ZNF345: variants seen among roughly 807,000 people sequenced by gnomAD.
ZNF345 encodes the protein zinc finger protein HZF10.
For missense variants in ZNF345, 527 were observed against 589.9 expected (o/e 0.89, Z 1.10); for synonymous variants, 166 against 187.9 (o/e 0.88, Z 0.95).
chr19:36,853,245 CTTTTTTT>C (rs902150512), intron 2 of ZNF345, among the ~76,000 whole-genome samples: 82 of 106,518 alleles, frequency 7.7e-4, no homozygotes, highest in Non-Finnish European at 1.0e-3. Context: ...TTCTTTCTTT[CTTTTTTT>C]TTTTTTTTTT....
chr19:36,854,621 C>T (rs2072364430), intron 2 of ZNF345: 2 of 152,078 alleles, frequency 1.3e-5, no homozygotes, highest in South Asian at 2.1e-4. Flanking sequence ...ACGGTATCCT[C>T]CCACTCCTAT....
intron 2 of ZNF345, among the ~76,000 whole-genome samples, chr19:36,864,541 A>T (rs879894426): frequency 2.8e-4 from 42 of 152,004 alleles, no homozygotes; most frequent in African/African-American, 6.5e-4. Context: ...TTTAAAAAAA[A>T]AATAATAAGA....
downstream of ZNF345, among the ~76,000 whole-genome samples, chr19:36,882,966 G>A (rs2072977443): frequency 6.6e-6 from 1 of 152,096 alleles, no homozygotes; most frequent in Non-Finnish European, 1.5e-5. Flanking sequence ...AAGGTCTTCT[G>A]TTAATATAGG....
At chr19:36,850,792 T>C (rs561386221), upstream of ZNF345, 52 of 152,324 alleles carry the variant, frequency 3.4e-4, no homozygotes, top group Admixed American at 3.1e-3. Context: ...CTTTCTGGAC[T>C]ACACTTCCCA....
At chr19:36,859,758 A>G (rs1057335768) in intron 2 of ZNF345, among the ~76,000 whole-genome samples, 2 of 152,110 alleles carry the variant, frequency 1.3e-5, no homozygotes, top group South Asian at 2.1e-4. Context: ...TGTAGAAGTT[A>G]AAAGAATAGC....
In ZNF345 at chr19:36,877,853, T is replaced by G; in HGVS notation, c.1023T>G (p.Pro341=). 1 of 1,612,602 alleles carries G rather than the reference T, an allele frequency of 6.2e-7. No individual in the cohort carries two copies. Among genetic ancestry groups the G allele is most frequent in the Non-Finnish European group, 8.5e-7 (1 of 1,179,608 alleles). The change falls in exon 3 of 3, where the codon CCT becomes CCG. Residue 341 remains proline (P), a synonymous_variant. Transcript: ENST00000420450. ...AAAGAATGCATACTGGAGAGAAACCTTATGAATGTAAGGAATGTGGGAAGA... is the reference window on the plus strand; with the variant it reads ...AAAGAATGCATACTGGAGAGAAACCGTATGAATGTAAGGAATGTGGGAAGA... ...QHQRMHTGEK[P]YECKECGKTF...
intron 2 of ZNF345, among the ~76,000 whole-genome samples, chr19:36,854,241 T>G (rs962507646): frequency 7.3e-5 from 11 of 151,600 alleles, no homozygotes; most frequent in Non-Finnish European, 1.5e-4. Context: ...TTTTGTTTTT[T>G]TTTTTTTTTA....
rs2072578672 is a variant in ZNF345, at chr19:36,862,758, G to A, written c.-47+10854G>A. ...TCCCACAACCCTTGTTTTGGTGCGTGTTAATGGGCTCAATTGTGTCCCTTC... is the reference window on the plus strand; with the variant it reads ...TCCCACAACCCTTGTTTTGGTGCGTATTAATGGGCTCAATTGTGTCCCTTC... On this transcript the variant is annotated intron_variant, in intron 2 of 2. Transcript: ENST00000420450. 2.0e-5 allele frequency among the ~76,000 whole-genome samples: 3 copies of A among 151,624 alleles called. No individual in the cohort carries two copies. In the South Asian group the frequency reaches 6.3e-4, roughly 32 times the overall value.
intron 3 of ZNF345, chr19:36,892,333 T>C (rs1202905269): frequency 1.2e-6 from 2 of 1,613,756 alleles, no homozygotes; most frequent in Non-Finnish European, 1.7e-6. Context: ...CCATGGTTTC[T>C]CTTCACTCAT....
intron 2 of ZNF345, among the ~76,000 whole-genome samples, chr19:36,868,464 A>AC (rs1568355803): frequency 7.2e-5 from 11 of 152,164 alleles, no homozygotes; most frequent in Middle Eastern, 3.4e-3. Context: ...TTATTCCATT[A>AC]GTTTACAAGG....
chr19:36,866,035 T>C (rs1201555672), intron 2 of ZNF345, among the ~76,000 whole-genome samples: 1 of 152,174 alleles, frequency 6.6e-6, no homozygotes, highest in Non-Finnish European at 1.5e-5. Context: ...AAGTTTGCTT[T>C]TTTAATTATT....
At chr19:36,879,879 C>T (rs2072958173), downstream of ZNF345, among the ~76,000 whole-genome samples, 3 of 152,088 alleles carry the variant, frequency 2.0e-5, no homozygotes, top group Admixed American at 2.0e-4. Flanking sequence ...GAATGTTACC[C>T]ATCACTATTA....
At chr19:36,850,703 A>G (rs755700482), upstream of ZNF345, 2 of 152,214 alleles carry the variant, frequency 1.3e-5, no homozygotes, top group Non-Finnish European at 2.9e-5. Flanking sequence ...AGCTCACCTC[A>G]AAGAGATAGT....
chr19:36,865,931 C>A (rs1397224440), intron 2 of ZNF345, among the ~76,000 whole-genome samples: 1 of 152,130 alleles, frequency 6.6e-6, no homozygotes, highest in East Asian at 1.9e-4. Flanking sequence ...GACAATTGTG[C>A]ATTTTTCTCT....
At chr19:36,868,460 C>T (rs579731) in intron 2 of ZNF345, among the ~76,000 whole-genome samples, 10,216 of 152,004 alleles carry the variant, frequency 0.067, 935 homozygotes, top group African/African-American at 0.21. Flanking sequence ...AGTTTTATTC[C>T]ATTAGTTTAC....
Position 36,877,297 on chromosome 19 carries a change from GT to G in ZNF345, c.471del (p.Phe157LeufsTer49). On this transcript the variant is annotated frameshift_variant, in exon 3 of 3. Transcript: ENST00000420450. LOFTEE classifies it low-confidence loss of function (END_TRUNC). ...TGTAAGGAATGTGGGAAAGCCTTTAGTTTTGGATCAGGCCTTATTCGACATC... is the reference window on the plus strand; with the variant it reads ...TGTAAGGAATGTGGGAAAGCCTTTAGTTTGGATCAGGCCTTATTCGACATC... ...YECKECGKAF[S>X]FGSGLIRHQI... 6.2e-7 allele frequency: 1 copy of G among 1,614,030 alleles called. No homozygotes were observed. The highest frequency in any genetic ancestry group is 1.1e-5 in the South Asian group (1 of 91,074).
At chr19:36,885,945 C>T (rs1828056288) in intron 3 of ZNF345, among the ~76,000 whole-genome samples, 1 of 152,162 alleles carries the variant, frequency 6.6e-6, no homozygotes, top group African/African-American at 2.4e-5. Flanking sequence ...CTGATCCTAA[C>T]CATGGTTATG....
intron 3 of ZNF345, among the ~76,000 whole-genome samples, chr19:36,885,786 T>G (rs1163979167): frequency 6.6e-6 from 1 of 152,168 alleles, no homozygotes; most frequent in African/African-American, 2.4e-5. Flanking sequence ...AAGTTTGGTG[T>G]ACAGTATGAG....
At chr19:36,852,417 C>A (rs2146112323) in intron 2 of ZNF345, among the ~76,000 whole-genome samples, 1 of 151,970 alleles carries the variant, frequency 6.6e-6, no homozygotes, top group Middle Eastern at 3.4e-3. Context: ...TCAAGATCAT[C>A]CTGGCCAACA....
Sources: gnomAD v4.1 joint callset for allele counts (sites outside exome capture counted in the v4.1 genomes callset) on GRCh38, gnomAD v4.1.1 for gene constraint, MANE v1.5 for transcripts, NCBI Gene and HGNC (gene_info 2026-07-23, HGNC 2026-07-21) for gene names.